The following RERE variants were observed in gnomAD, a reference collection of about 807,000 sequenced individuals.
RERE encodes arginine-glutamic acid dipeptide repeats, also known as arginine-glutamic acid dipeptide repeats protein.
In RERE, 40 loss-of-function variants were observed where a neutral mutation model predicts 146.1. The ratio of observed to expected loss-of-function variants is 0.27; its 90% CI spans 0.21 to 0.36. The LOEUF is 0.36. RERE is among the 10% of genes least tolerant of loss of function. The pLI is 1.00. For missense variants in RERE, 1,933 were observed against 2,138.7 expected, an observed-to-expected ratio of 0.90 and a Z score of 1.90; for synonymous variants, 1,003 against 866.0, an observed-to-expected ratio of 1.16 and a Z score of -2.78.
chr1:8,698,609 T>C (rs896214621), intron 1 of RERE, among the ~76,000 whole-genome samples: 1 of 152,228 alleles, frequency 6.6e-6, no homozygotes, highest in African/African-American at 2.4e-5. Context: ...ACAAATCTAA[T>C]TGTTCAGCTT....
intron 4 of RERE, among the ~76,000 whole-genome samples, chr1:8,607,991 G>A (rs547213694): frequency 2.6e-5 from 4 of 152,078 alleles, no homozygotes; most frequent in African/African-American, 4.8e-5. Flanking sequence ...CTCCCAAAGC[G>A]CTGGGATTAT....
intron 1 of RERE, among the ~76,000 whole-genome samples, chr1:8,728,472 A>G (rs927274747): frequency 6.6e-6 from 1 of 152,074 alleles, no homozygotes; most frequent in Non-Finnish European, 1.5e-5. Context: ...TCAAAAAAAA[A>G]AAAACCCTAT....
At position 8,652,932 on chromosome 1, in the gene RERE, C is replaced by T. The variant is rs144528831; in HGVS notation, c.325+3041G>A. 2.9e-3 allele frequency among the ~76,000 whole-genome samples: 447 copies of T among 152,296 alleles called. 4 individuals are homozygous for T. The highest frequency in any genetic ancestry group is 0.01 in the African/African-American group (426 of 41,558). ...CACTGCAACCTTGACCTCCTGTGCT[C>T]AAGAGATCCTCCCACTTCAGTCTCA... On this transcript the variant is annotated intron_variant, in intron 2 of 22. Transcript: ENST00000400908.
At chr1:8,786,596 A>G in intron 1 of RERE, 1 of 768,148 alleles carries the variant, frequency 1.3e-6, no homozygotes. Flanking sequence ...AAGATTTGAT[A>G]AAGGCGAAGA....
chr1:8,419,281 C>T (rs1040489660), intron 12 of RERE, among the ~76,000 whole-genome samples: 3 of 152,074 alleles, frequency 2.0e-5, no homozygotes, highest in Admixed American at 6.5e-5. Context: ...TTGGGTTTTC[C>T]GCAATCACAG....
chr1:8,662,952 T>C (rs939711537), intron 1 of RERE, among the ~76,000 whole-genome samples: 1 of 152,162 alleles, frequency 6.6e-6, no homozygotes, highest in Non-Finnish European at 1.5e-5. Context: ...ATTGTACTTA[T>C]AGATTGCAAA....
At chr1:8,803,153 A>G (rs769431104) in intron 1 of RERE, among the ~76,000 whole-genome samples, 6 of 152,192 alleles carry the variant, frequency 3.9e-5, no homozygotes, top group Non-Finnish European at 7.3e-5. Context: ...GGGAAGATAA[A>G]CTGTATAAAA....
Position 8,365,829 on chromosome 1 carries a change from G to A in RERE, c.1430C>T (p.Pro477Leu), listed in dbSNP as rs374230609. The A allele has an allele frequency of 3.1e-6, 5 of 1,614,168 alleles. No homozygotes were observed. In the South Asian group the frequency reaches 5.5e-5, roughly 18 times the overall value. Reference sequence around the variant, plus strand: ...CTACTCACAGAATTCACTGGACGGGGGTCTGGAGGGTGTGTTGACGGGTGT... The same window carrying A: ...CTACTCACAGAATTCACTGGACGGGAGTCTGGAGGGTGTGTTGACGGGTGT... ...ASTPVNTPSR[P>L]PSSEFLDLSS... The change falls in exon 13 of 23, where the codon CCC (proline) becomes CTC (leucine). Residue 477 changes from proline to leucine, a missense_variant. This residue lies in a region of RERE where 260 missense variants were observed against 378.4 expected (regional missense o/e 0.69). Transcript: ENST00000400908.
intron 12 of RERE, among the ~76,000 whole-genome samples, chr1:8,413,963 G>A (rs995330509): frequency 6.7e-6 from 1 of 148,834 alleles, no homozygotes; most frequent in African/African-American, 2.5e-5. Flanking sequence ...GAAGAGGGAG[G>A]AGAATTGCTT....
rs557898236 is a variant in RERE, at chr1:8,772,202, A to C, written c.-145+44958T>G. Among the ~76,000 whole-genome samples, 4 of 152,254 alleles carry C rather than the reference A, an allele frequency of 2.6e-5. No individual in the cohort carries two copies. The South Asian group carries it at 8.3e-4, about 32-fold the overall frequency. On this transcript the variant is annotated intron_variant, in intron 1 of 22. Coordinates refer to ENST00000400908, the MANE Select transcript of RERE (RefSeq NM_001042681.2). ...GGAGCTTCAACTGTTTTATATTGAA[A>C]TATATACTCAATTACAAACATATGC...
chr1:8,713,579 C>A (rs1639709752), intron 1 of RERE, among the ~76,000 whole-genome samples: 1 of 151,882 alleles, frequency 6.6e-6, no homozygotes, highest in African/African-American at 2.4e-5. Context: ...ACTAAAAATA[C>A]AAAAATTAGC....
chr1:8,412,705 G>C (rs1643647202), intron 12 of RERE, among the ~76,000 whole-genome samples: 1 of 152,232 alleles, frequency 6.6e-6, no homozygotes, highest in Admixed American at 6.5e-5. Flanking sequence ...GCGCAAACAG[G>C]AGAGTTGATT....
intron 1 of RERE, among the ~76,000 whole-genome samples, chr1:8,723,075 C>A (rs1324605824): frequency 6.6e-6 from 1 of 152,156 alleles, no homozygotes; most frequent in Non-Finnish European, 1.5e-5. Flanking sequence ...AGAAGGTGTC[C>A]AGAAAGGAAT....
chr1:8,364,405 G>T lies in RERE; in HGVS notation c.1541-150C>A. The T allele has an allele frequency of 1.4e-6, 1 of 703,340 alleles. No homozygotes were observed. Among genetic ancestry groups the T allele is most frequent in the Non-Finnish European group, 2.4e-6 (1 of 413,984 alleles). 43.6% of individuals were successfully genotyped at this position (703,340 alleles called of 1,614,324 possible). ...GCCCCAACACCCCAGGGCTAGTGCTGCCCTGCTCCCCCAAGGCCAGGAGAG... is the reference window on the plus strand; with the variant it reads ...GCCCCAACACCCCAGGGCTAGTGCTTCCCTGCTCCCCCAAGGCCAGGAGAG... On this transcript the variant is annotated intron_variant, in intron 14 of 22. Coordinates refer to ENST00000400908, the MANE Select transcript of RERE (RefSeq NM_001042681.2). The surrounding 1 kb of genome is among the most constrained non-coding windows in gnomAD (Gnocchi z 5.1).
intron 4 of RERE, among the ~76,000 whole-genome samples, chr1:8,579,566 C>T (rs78533398): frequency 6.6e-6 from 1 of 152,168 alleles, no homozygotes; most frequent in South Asian, 2.1e-4. Flanking sequence ...ATAGTGGAAC[C>T]AGGCCTAGGG....
In RERE at chr1:8,356,265, G is replaced by T. The variant is rs773481976; in HGVS notation, c.4340-19C>A. ...GCTGAACCTAAGGAAAGGACAAAAC[G>T]CCAGATGGAGGCGGTGTGCAGCTCT... On this transcript the variant is annotated intron_variant, in intron 20 of 22. Coordinates refer to ENST00000400908, the MANE Select transcript of RERE (RefSeq NM_001042681.2). The surrounding 1 kb of genome is among the most constrained non-coding windows in gnomAD (Gnocchi z 5.2). The T allele has an allele frequency of 9.3e-6, 14 of 1,511,834 alleles. No individual in the cohort carries two copies. The highest frequency in any genetic ancestry group is 1.2e-5 in the Non-Finnish European group (14 of 1,142,014). 93.7% of individuals were successfully genotyped at this position (1,511,834 alleles called of 1,614,324 possible). A position where few individuals can be genotyped will look rare whatever the true frequency, so the allele number is the denominator to read the frequency against.
chr1:8,490,343 CAAAA>C (rs530925995), intron 10 of RERE, among the ~76,000 whole-genome samples: 4 of 75,388 alleles, frequency 5.3e-5, no homozygotes, highest in African/African-American at 1.8e-4. Flanking sequence ...GGCAACATCT[CAAAA>C]AAAAAAAAAA....
chr1:8,626,078 G>A (rs1164568619), intron 2 of RERE, among the ~76,000 whole-genome samples: 1 of 152,104 alleles, frequency 6.6e-6, no homozygotes, highest in Non-Finnish European at 1.5e-5. Context: ...TCAGCATTCA[G>A]GCAACATCAA....
chr1:8,458,465 G>C (rs1644481356), intron 11 of RERE, among the ~76,000 whole-genome samples: 2 of 152,086 alleles, frequency 1.3e-5, no homozygotes, highest in Non-Finnish European at 2.9e-5. Flanking sequence ...GATTTAAAAA[G>C]ATTATCCCAA....
Sources: gnomAD v4.1 joint callset for allele counts (sites outside exome capture counted in the v4.1 genomes callset) on GRCh38, gnomAD v4.1.1 for gene constraint, gnomAD v4.1.1 regional missense constraint, Gnocchi (gnomAD v3.1) non-coding constraint, MANE v1.5 for transcripts, NCBI Gene and HGNC (gene_info 2026-07-23, HGNC 2026-07-21) for gene names.